PREX2: variants seen among roughly 807,000 people sequenced by gnomAD.
PREX2 encodes phosphatidylinositol 3,4,5-trisphosphate-dependent Rac exchanger 2 protein.
A neutral mutation model predicts 203.2 loss-of-function variants in PREX2; 107 were observed. The observed-to-expected ratio is 0.53, with a 90% CI of 0.45 to 0.62. PREX2 has a LOEUF of 0.62. PREX2 is among the 20% of genes least tolerant of loss of function. The probability of loss-of-function intolerance (pLI) is 0.00; values close to 1 mark genes in which losing one functional copy is unlikely to be tolerated. For missense variants in PREX2, 1,777 were observed against 1,955.9 expected (o/e 0.91, Z 1.72); for synonymous variants, 672 against 663.6 (o/e 1.01, Z -0.19).
intron 23 of PREX2, chr8:68,105,172 C>T: frequency 7.3e-7 from 1 of 1,367,792 alleles, no homozygotes; most frequent in South Asian, 1.1e-5. Flanking sequence ...AATTTCACAG[C>T]ACGGCATGCT....
chr8:68,137,789 A>G (rs1348687875), intron 32 of PREX2, among the ~76,000 whole-genome samples: 1 of 152,192 alleles, frequency 6.6e-6, no homozygotes, highest in African/African-American at 2.4e-5. Flanking sequence ...ATAAAACTAT[A>G]TGCTATAAGA....
chr8:68,038,572 A>G (rs1391854292), intron 7 of PREX2, among the ~76,000 whole-genome samples: 1 of 152,126 alleles, frequency 6.6e-6, no homozygotes, highest in Non-Finnish European at 1.5e-5. Context: ...CCTAACCCAC[A>G]TATCTCAGGC....
intron 10 of PREX2, among the ~76,000 whole-genome samples, chr8:68,059,493 A>T (rs951822956): frequency 6.6e-6 from 1 of 152,226 alleles, no homozygotes; most frequent in African/African-American, 2.4e-5. Context: ...TGGATGACAG[A>T]TGAGATACAA....
At chr8:68,017,794 G>A in intron 1 of PREX2, 52 bp from the exon 2 acceptor site, 1 of 1,448,044 alleles carries the variant, frequency 6.9e-7, no homozygotes, top group Admixed American at 1.7e-5. Flanking sequence ...TCAACACCCA[G>A]TCATTTTATT....
intron 25 of PREX2, among the ~76,000 whole-genome samples, chr8:68,111,894 C>T (rs1389735727): frequency 6.6e-6 from 1 of 152,064 alleles, no homozygotes; most frequent in Admixed American, 6.6e-5. Flanking sequence ...GATGTCTTTG[C>T]AAGTGAAGAA....
chr8:67,969,345 C>T (rs377727775), intron 1 of PREX2, among the ~76,000 whole-genome samples: 131 of 152,198 alleles, frequency 8.6e-4, no homozygotes, highest in African/African-American at 2.9e-3. Flanking sequence ...AGAGAAATGT[C>T]GTTGCTGTTG....
intron 26 of PREX2, among the ~76,000 whole-genome samples, chr8:68,117,381 A>T (rs1036317578): frequency 2.0e-5 from 3 of 152,228 alleles, no homozygotes; most frequent in African/African-American, 7.2e-5. Flanking sequence ...AAAGGATCTT[A>T]ATGAACACAT....
rs755144472 is a variant in PREX2, at chr8:68,192,374, C to T, written c.4453C>T (p.Leu1485=). ...CAACGCTTTGGATGAACTTTACCGA[C>T]TGGTAGCCTCGTTTATCAGATCCAA... The part of the protein sequence containing the change: ...PLNALDELYR[L]VASFIRSKRT... The change falls in exon 37 of 40, where the codon CTG becomes TTG. Residue 1485 remains leucine (L), a synonymous_variant. Transcript: ENST00000288368. The T allele has an allele frequency of 6.2e-7, 1 of 1,611,408 alleles. No individual in the cohort carries two copies. Among genetic ancestry groups the T allele is most frequent in the South Asian group, 1.1e-5 (1 of 90,764 alleles).
intron 1 of PREX2, among the ~76,000 whole-genome samples, chr8:67,971,801 T>C (rs572329293): frequency 3.3e-5 from 5 of 152,336 alleles, no homozygotes; most frequent in Non-Finnish European, 5.9e-5. Flanking sequence ...CAAATCATTT[T>C]CCATGTGTCT....
rs1337496183 is a variant in PREX2, at chr8:67,952,324, C to G, written c.-71C>G. On this transcript the variant is annotated 5_prime_UTR_variant, in exon 1 of 40. Coordinates refer to ENST00000288368, the MANE Select transcript of PREX2 (RefSeq NM_024870.4). ...ACTTTCCATTCTCGCCGCCGGGGGC[C>G]GGGCAGCAGCGGGCGCGCGGGTCAG... The G allele has an allele frequency of 1.6e-6, 2 of 1,276,116 alleles. No individual in the cohort carries two copies. The highest frequency in any genetic ancestry group is 1.6e-5 in the African/African-American group (1 of 63,504). The allele number at this position is 1,276,116 out of a possible 1,614,324, so 79.0% of individuals were successfully genotyped here. A position where few individuals can be genotyped will look rare whatever the true frequency, so the allele number is the denominator to read the frequency against.
intron 39 of PREX2, among the ~76,000 whole-genome samples, chr8:68,226,316 A>C (rs1226018361): frequency 6.6e-6 from 1 of 152,198 alleles, no homozygotes; most frequent in Non-Finnish European, 1.5e-5. Context: ...GAGGTGAAGA[A>C]GGCATAATTA....
intron 19 of PREX2, among the ~76,000 whole-genome samples, chr8:68,089,506 C>T (rs922377221): frequency 1.3e-5 from 2 of 152,146 alleles, no homozygotes; most frequent in Non-Finnish European, 2.9e-5. Flanking sequence ...TCCATCCACT[C>T]CCATTCTAAG....
At chr8:68,216,134 G>A (rs1812834090) in intron 37 of PREX2, among the ~76,000 whole-genome samples, 1 of 152,222 alleles carries the variant, frequency 6.6e-6, no homozygotes, top group Non-Finnish European at 1.5e-5. Context: ...GTTGCACTTT[G>A]TGAGGTTCTA....
intron 10 of PREX2, among the ~76,000 whole-genome samples, chr8:68,059,034 A>G (rs1483702996): frequency 6.6e-6 from 1 of 152,124 alleles, no homozygotes; most frequent in Non-Finnish European, 1.5e-5. Flanking sequence ...AGTCTAGACA[A>G]CCCATTTTTA....
intron 35 of PREX2, among the ~76,000 whole-genome samples, chr8:68,179,573 AT>A (rs1812045964): frequency 6.6e-6 from 1 of 152,124 alleles, no homozygotes; most frequent in African/African-American, 2.4e-5. Context: ...CTGTTTTCCC[AT>A]AAAGGAAAGG....
Position 68,183,068 on chromosome 8 carries a change from C to T in PREX2, c.4347-8654C>T, listed in dbSNP as rs374507068. Among the ~76,000 whole-genome samples, 331 of 151,908 alleles carry T rather than the reference C, an allele frequency of 2.2e-3. 2 individuals carry two copies. The highest frequency in any genetic ancestry group is 7.3e-3 in the African/African-American group (304 of 41,468). On this transcript the variant is annotated intron_variant, in intron 35 of 39. Coordinates refer to ENST00000288368, the MANE Select transcript of PREX2 (RefSeq NM_024870.4). The stretch of plus-strand genomic sequence containing the variant: ...AGAGATGGAATGGGAAGTTTGTTGG[C>T]AAATAATTAGGAAGGCCCTTGAATG...
rs1813240104 is a variant in PREX2, at chr8:68,234,971, G to A, written c.*3593G>A. The A allele has an allele frequency of 6.6e-6, 1 of 152,022 alleles. No homozygotes were observed. Among genetic ancestry groups the A allele is most frequent in the African/African-American group, 2.4e-5 (1 of 41,390 alleles). The allele number at this position is 152,022 out of a possible 1,614,324, so 9.4% of individuals were successfully genotyped here. A position where few individuals can be genotyped will look rare whatever the true frequency, so the allele number is the denominator to read the frequency against. On this transcript the variant is annotated 3_prime_UTR_variant, in exon 40 of 40. Transcript: ENST00000288368. ...ATGAATGGGTAAACAAAGCCTAAGG[G>A]TCATGTTAATTAATTTAACAAAACA... is the stretch of plus-strand genomic sequence containing the variant.
At chr8:68,192,213 C>T in intron 36 of PREX2, 122 bp from the exon 37 acceptor site, 3 of 708,126 alleles carry the variant, frequency 4.2e-6, no homozygotes, top group Non-Finnish European at 6.9e-6. Flanking sequence ...TTAGTAGTCT[C>T]TAATTCCATT....
At chr8:68,227,798 CAGAAAGCT>C (rs1813081950) in intron 39 of PREX2, among the ~76,000 whole-genome samples, 1 of 152,132 alleles carries the variant, frequency 6.6e-6, no homozygotes, top group South Asian at 2.1e-4. Context: ...TTTAGGAAAT[CAGAAAGCT>C]AGAAAGCAGA....
Sources: gnomAD v4.1 joint callset for allele counts (sites outside exome capture counted in the v4.1 genomes callset) on GRCh38, gnomAD v4.1.1 for gene constraint, MANE v1.5 for transcripts, NCBI Gene and HGNC (gene_info 2026-07-23, HGNC 2026-07-21) for gene names.